RELN: variants seen among roughly 807,000 people sequenced by gnomAD.
RELN encodes reelin.
RELN carries 108 observed loss-of-function variants against 427.6 expected under a neutral mutation model. That is an observed-to-expected ratio of 0.25 (90% CI 0.22 to 0.30). The LOEUF (loss-of-function observed/expected upper bound fraction) is 0.30, where lower values mean the gene tolerates loss of function less well. RELN is among the 10% of genes least tolerant of loss of function. The pLI, the probability that RELN is intolerant of heterozygous loss-of-function variation, is 1.00. For synonymous variants in RELN, 1,524 were observed against 1,513.4 expected (o/e 1.01, Z -0.16); for missense variants, 3,715 against 4,302.8 (o/e 0.86, Z 3.82).
chr7:103,886,243 A>G (rs1003981837), intron 2 of RELN, among the ~76,000 whole-genome samples: 13 of 152,232 alleles, frequency 8.5e-5, no homozygotes, highest in Non-Finnish European at 1.5e-5. Context: ...TTTGGTATAC[A>G]TGAGTTTAAC....
At chr7:103,869,672 ATATTT>A (rs1268811249) in intron 2 of RELN, among the ~76,000 whole-genome samples, 2 of 152,188 alleles carry the variant, frequency 1.3e-5, no homozygotes, top group East Asian at 3.9e-4. Context: ...GCTGCTTTAA[ATATTT>A]TATCTTTAGC....
At chr7:103,686,946 C>T (rs550694724) in intron 10 of RELN, among the ~76,000 whole-genome samples, 1 of 152,110 alleles carries the variant, frequency 6.6e-6, no homozygotes, top group South Asian at 2.1e-4. Context: ...AAATACAGTC[C>T]AGGTGCAGGA....
chr7:103,826,748 G>T (rs1793151842), intron 3 of RELN, among the ~76,000 whole-genome samples: 1 of 151,996 alleles, frequency 6.6e-6, no homozygotes, highest in African/African-American at 2.4e-5. Flanking sequence ...TAGATTTAAA[G>T]AACTTCTAAT....
At chr7:103,759,997 T>C (rs1791257335) in intron 4 of RELN, among the ~76,000 whole-genome samples, 1 of 86,844 alleles carries the variant, frequency 1.2e-5, no homozygotes, top group Non-Finnish European at 2.5e-5. Flanking sequence ...ATACTTTTTT[T>C]TTTTTTTTTT....
rs1290717095 is a variant in RELN at position 103,593,998 on chromosome 7, C to G, written c.3712-116G>C. On this transcript the variant is annotated intron_variant, in intron 26 of 64. Coordinates refer to ENST00000428762, the MANE Select transcript of RELN (RefSeq NM_005045.4). ...TACCATTTGCATTTCTAGGAAAACA[C>G]AGAAGAATCTCTATTTTTTTTTACT... 5.0e-6 allele frequency: 4 copies of G among 801,020 alleles called. No homozygotes were observed. The East Asian group carries it at 8.1e-5, about 16-fold the overall frequency. 49.6% of individuals were successfully genotyped at this position (801,020 alleles called of 1,614,324 possible). A position where few individuals can be genotyped will look rare whatever the true frequency, so the allele number is the denominator to read the frequency against.
chr7:103,961,800 TA>T (rs1228701233), intron 1 of RELN, among the ~76,000 whole-genome samples: 1 of 152,186 alleles, frequency 6.6e-6, no homozygotes, highest in Admixed American at 6.5e-5. Flanking sequence ...GTGTGAGAAT[TA>T]AATGATTATA....
chr7:103,507,199 A>T (rs1829245063), intron 51 of RELN, among the ~76,000 whole-genome samples: 1 of 152,210 alleles, frequency 6.6e-6, no homozygotes, highest in African/African-American at 2.4e-5. Context: ...ACATCTACAG[A>T]ACTCTCCACC....
intron 3 of RELN, among the ~76,000 whole-genome samples, chr7:103,810,133 G>T (rs1483612853): frequency 6.6e-6 from 1 of 152,008 alleles, no homozygotes; most frequent in African/African-American, 2.4e-5. Context: ...TGTTATCATT[G>T]CCCTTCTGTA....
chr7:103,691,717 G>A (rs960706288), intron 10 of RELN, among the ~76,000 whole-genome samples: 4 of 152,040 alleles, frequency 2.6e-5, no homozygotes, highest in African/African-American at 9.7e-5. Context: ...GGAGGCTAAG[G>A]CACAAGAATC....
In RELN at chr7:103,565,308, C is replaced by T. The variant is rs754100999; in HGVS notation, c.5180G>A (p.Arg1727Gln). The T allele has an allele frequency of 1.1e-5, 18 of 1,613,978 alleles. No homozygotes were observed. The highest frequency in any genetic ancestry group is 5.0e-5 in the Admixed American group (3 of 59,994). ...YTSERFQNWK[R>Q]ITVYLPLSTI... ...GGAGAGTGGAAGGTAGACAGTGATC[C>T]GCTTCCAATTCTGGAATCTTTCCGA... The change falls in exon 34 of 65, where the codon CGG becomes CAG. Residue 1727 changes from arginine (R) to glutamine (Q), a missense_variant. Arg to Gln is a conservative substitution (Grantham distance 43). Around this residue, in one of 4 missense-constraint regions of RELN, gnomAD observed 2,208 missense variants for 2,361.7 expected, o/e 0.93. Coordinates refer to ENST00000428762, the MANE Select transcript of RELN (RefSeq NM_005045.4).
intron 3 of RELN, among the ~76,000 whole-genome samples, chr7:103,829,510 A>G (rs1292425062): frequency 6.6e-6 from 1 of 152,028 alleles, no homozygotes; most frequent in Non-Finnish European, 1.5e-5. Context: ...AATACCCAGC[A>G]AACCTTGAAG....
At chr7:103,615,361 C>A (rs1832056404) in intron 20 of RELN, among the ~76,000 whole-genome samples, 1 of 152,184 alleles carries the variant, frequency 6.6e-6, no homozygotes, top group South Asian at 2.1e-4. Context: ...CATACTACAG[C>A]TCCTTTGCCT....
intron 8 of RELN, among the ~76,000 whole-genome samples, chr7:103,717,587 C>T (rs1025919646): frequency 2.0e-4 from 31 of 151,878 alleles, no homozygotes; most frequent in Non-Finnish European, 3.5e-4. Context: ...AAATAAAACA[C>T]GTATTTAACC....
intron 49 of RELN, among the ~76,000 whole-genome samples, chr7:103,518,447 C>T (rs138443853): frequency 0.011 from 1,592 of 149,620 alleles, 26 homozygotes; most frequent in African/African-American, 0.037. Flanking sequence ...ATCCTCTTGC[C>T]TCAGCCTCCT....
chr7:103,532,347 G>C (rs1829959910), intron 46 of RELN, among the ~76,000 whole-genome samples: 1 of 152,044 alleles, frequency 6.6e-6, no homozygotes, highest in South Asian at 2.1e-4. Flanking sequence ...ATGGATGCTG[G>C]GCTTAGTACC....
chr7:103,506,764 G>A (rs1034086244), intron 51 of RELN, among the ~76,000 whole-genome samples: 1 of 152,026 alleles, frequency 6.6e-6, no homozygotes, highest in Non-Finnish European at 1.5e-5. Context: ...ACACAGACTA[G>A]CAAACTGGAT....
intron 1 of RELN, among the ~76,000 whole-genome samples, chr7:103,970,028 A>C (rs1477520662): frequency 6.6e-6 from 1 of 152,170 alleles, no homozygotes; most frequent in African/African-American, 2.4e-5. Flanking sequence ...ATGTACATGC[A>C]GAGTGGCAAA....
intron 3 of RELN, among the ~76,000 whole-genome samples, chr7:103,797,116 G>A (rs754239808): frequency 2.0e-5 from 3 of 151,768 alleles, no homozygotes; most frequent in Admixed American, 6.6e-5. Context: ...ACAGAGCGTC[G>A]CTCTTGTCAC....
At chr7:103,698,492 A>G (rs886425499) in intron 9 of RELN, among the ~76,000 whole-genome samples, 7 of 152,132 alleles carry the variant, frequency 4.6e-5, no homozygotes, top group African/African-American at 1.7e-4. Flanking sequence ...GTTACCCAAT[A>G]ATAAGGATAA....
Sources: gnomAD v4.1 joint callset for allele counts (sites outside exome capture counted in the v4.1 genomes callset) on GRCh38, gnomAD v4.1.1 for gene constraint, gnomAD v4.1.1 regional missense constraint, MANE v1.5 for transcripts, NCBI Gene and HGNC (gene_info 2026-07-23, HGNC 2026-07-21) for gene names.